Variants in SGCZ observed in about 807,000 individuals in gnomAD.
SGCZ encodes the protein zeta-sarcoglycan.
SGCZ carries 40 observed loss-of-function variants against 41.3 expected under a neutral mutation model. The ratio of observed to expected loss-of-function variants is 0.97; its 90% CI spans 0.75 to 1.26. The LOEUF (loss-of-function observed/expected upper bound fraction) is 1.26. SGCZ is among the 50% of genes most tolerant of loss of function. The pLI is 0.00. For missense variants in SGCZ, 552 were observed against 369.8 expected (o/e 1.49, Z -4.04); for synonymous variants, 206 against 137.5 (o/e 1.50, Z -3.49).
At chr8:14,647,787 A>C (rs12155595) in intron 1 of SGCZ, among the ~76,000 whole-genome samples, 49,368 of 151,876 alleles carry the variant, frequency 0.33, 8,242 homozygotes, top group South Asian at 0.5. Flanking sequence ...GTGGGCAATG[A>C]CATCAAGATG....
intron 2 of SGCZ, among the ~76,000 whole-genome samples, chr8:14,471,109 C>T (rs988575102): frequency 2.6e-5 from 4 of 152,110 alleles, no homozygotes; most frequent in Non-Finnish European, 5.9e-5. Context: ...TTTTCTAATG[C>T]TTGCCTTTAA....
At chr8:14,634,363 A>C (rs1806758388) in intron 1 of SGCZ, among the ~76,000 whole-genome samples, 1 of 151,328 alleles carries the variant, frequency 6.6e-6, no homozygotes, top group Non-Finnish European at 1.5e-5. Context: ...TTTATTTTGT[A>C]TTTTTTTTGT....
intron 1 of SGCZ, among the ~76,000 whole-genome samples, chr8:14,789,600 G>C (rs1051427914): frequency 3.9e-5 from 6 of 152,018 alleles, no homozygotes; most frequent in African/African-American, 1.2e-4. Context: ...CTTTCTTGTG[G>C]AGTCATGATT....
At chr8:15,208,460 T>C (rs1328138411) in intron 1 of SGCZ, among the ~76,000 whole-genome samples, 1 of 152,182 alleles carries the variant, frequency 6.6e-6, no homozygotes, top group Non-Finnish European at 1.5e-5. Flanking sequence ...ATAAGTCAGT[T>C]GTCAGAAACT....
At chr8:15,151,300 A>G (rs998499800) in intron 1 of SGCZ, among the ~76,000 whole-genome samples, 7 of 152,168 alleles carry the variant, frequency 4.6e-5, no homozygotes, top group African/African-American at 1.7e-4. Flanking sequence ...CCACTAAGCT[A>G]CTTCTGGAAT....
intron 1 of SGCZ, among the ~76,000 whole-genome samples, chr8:14,730,497 G>A (rs1177048684): frequency 6.6e-6 from 1 of 151,902 alleles, no homozygotes; most frequent in Non-Finnish European, 1.5e-5. Context: ...TCAAGCCCTA[G>A]CTTGTTATAT....
chr8:14,514,748 TGTAA>T (rs1364288527), intron 2 of SGCZ, among the ~76,000 whole-genome samples: 12 of 143,878 alleles, frequency 8.3e-5, no homozygotes, highest in East Asian at 2.1e-4. Flanking sequence ...TGTAAATATA[TGTAA>T]GTATGTGTAA....
chr8:15,122,424 G>A (rs918265050), intron 1 of SGCZ, among the ~76,000 whole-genome samples: 1 of 152,076 alleles, frequency 6.6e-6, no homozygotes, highest in Admixed American at 6.5e-5. Flanking sequence ...AGTAGAAGGT[G>A]AATTCAAATA....
At chr8:14,141,281 C>A (rs1467372037) in intron 5 of SGCZ, among the ~76,000 whole-genome samples, 2 of 152,072 alleles carry the variant, frequency 1.3e-5, no homozygotes, top group African/African-American at 2.4e-5. Flanking sequence ...ACTAAAACAC[C>A]AAAAGCAATC....
chr8:14,782,417 G>A lies in SGCZ; in HGVS notation c.40-227491C>T, dbSNP rs547788362. Among the ~76,000 whole-genome samples the A allele has an allele frequency of 2.5e-3, 384 of 152,142 alleles. 2 individuals carry two copies. Among genetic ancestry groups the A allele is most frequent in the African/African-American group, 8.8e-3 (366 of 41,520 alleles). On this transcript the variant is annotated intron_variant, in intron 1 of 7. Coordinates refer to ENST00000382080, the MANE Select transcript of SGCZ (RefSeq NM_139167.4). ...TTGTTTTGTTTTTCTTTTTGTTCAT[G>A]TATCTGTGTGTTTGGTTTTGGTTTA...
At chr8:14,980,232 C>G (rs1801616829) in intron 1 of SGCZ, among the ~76,000 whole-genome samples, 1 of 152,126 alleles carries the variant, frequency 6.6e-6, no homozygotes, top group Admixed American at 6.5e-5. Flanking sequence ...TGCTCTTTCC[C>G]TGATCCTAAG....
intron 5 of SGCZ, among the ~76,000 whole-genome samples, chr8:14,143,958 T>G (rs1037644970): frequency 6.6e-6 from 1 of 152,126 alleles, no homozygotes; most frequent in Non-Finnish European, 1.5e-5. Flanking sequence ...AAACCAGCCC[T>G]AACAAGGCAG....
intron 1 of SGCZ, among the ~76,000 whole-genome samples, chr8:15,070,727 A>C (rs1277253200): frequency 1.3e-5 from 2 of 152,204 alleles, no homozygotes; most frequent in African/African-American, 2.4e-5. Context: ...CTTTACAGTT[A>C]ACTTCTTTTA....
chr8:14,828,689 G>A (rs1420119456), intron 1 of SGCZ, among the ~76,000 whole-genome samples: 1 of 152,160 alleles, frequency 6.6e-6, no homozygotes, highest in Non-Finnish European at 1.5e-5. Context: ...AGTTGTTTGG[G>A]ATGCTCAAGG....
intron 5 of SGCZ, among the ~76,000 whole-genome samples, chr8:14,148,632 C>G (rs75496830): frequency 0.014 from 2,191 of 152,176 alleles, 49 homozygotes; most frequent in African/African-American, 0.049. Flanking sequence ...GAATACCAAT[C>G]TTACTCAAAC....
At position 14,085,559 on chromosome 8, in the gene SGCZ, A is replaced by G. The variant is rs552842928; in HGVS notation, c.*4884T>C. The stretch of plus-strand genomic sequence containing the variant: ...AAATGCAGAGCCACCTCAGTTAACA[A>G]TTAAAAAATAGCCCTCTGGTTCTAC... On this transcript the variant is annotated 3_prime_UTR_variant, in exon 8 of 8. Transcript: ENST00000382080. 5.9e-4 allele frequency among the ~76,000 whole-genome samples: 90 copies of G among 151,956 alleles called. No individual in the cohort carries two copies. Among genetic ancestry groups the G allele is most frequent in the African/African-American group, 2.0e-3 (85 of 41,544 alleles).
intron 2 of SGCZ, among the ~76,000 whole-genome samples, chr8:14,436,246 A>G (rs1220752552): frequency 6.6e-6 from 1 of 152,214 alleles, no homozygotes; most frequent in Non-Finnish European, 1.5e-5. Context: ...CCTGGCGATG[A>G]GCCTCTTGAA....
At chr8:14,487,200 A>G (rs1168820178) in intron 2 of SGCZ, among the ~76,000 whole-genome samples, 1 of 152,164 alleles carries the variant, frequency 6.6e-6, no homozygotes, top group Admixed American at 6.5e-5. Context: ...TGACTTGTGT[A>G]GGGTCAGTTA....
intron 1 of SGCZ, among the ~76,000 whole-genome samples, chr8:14,686,750 T>C (rs1159455009): frequency 1.3e-5 from 2 of 152,114 alleles, no homozygotes; most frequent in African/African-American, 4.8e-5. Flanking sequence ...TTTTAATGCA[T>C]GGTTTTGAAT....
Sources: gnomAD v4.1 joint callset for allele counts (sites outside exome capture counted in the v4.1 genomes callset) on GRCh38, gnomAD v4.1.1 for gene constraint, MANE v1.5 for transcripts, NCBI Gene and HGNC (gene_info 2026-07-23, HGNC 2026-07-21) for gene names.